DAB1: variants seen among roughly 807,000 people sequenced by gnomAD.
The protein encoded by DAB1 is DAB adaptor protein 1, also known as disabled homolog 1.
Under a neutral mutation model 64.6 loss-of-function variants are expected in DAB1, and 15 were observed. That is an observed-to-expected ratio of 0.23 (90% CI 0.16 to 0.36). The LOEUF is 0.36. DAB1 is among the 10% of genes least tolerant of loss of function. DAB1 has a pLI of 1.00. For missense variants in DAB1, 596 were observed against 706.7 expected (o/e 0.84, Z 1.78); for synonymous variants, 235 against 251.9 (o/e 0.93, Z 0.64).
intron 5 of DAB1, among the ~76,000 whole-genome samples, chr1:57,993,997 T>A (rs1436220385): frequency 6.6e-6 from 1 of 152,202 alleles, no homozygotes. Context: ...AAGAGGTCTC[T>A]CTCCTTATAA....
chr1:57,783,786 T>C (rs1452951770), intron 6 of DAB1, among the ~76,000 whole-genome samples: 1 of 152,194 alleles, frequency 6.6e-6, no homozygotes, highest in Non-Finnish European at 1.5e-5. Context: ...ATCTTTGAAG[T>C]TACTATTGTA....
At chr1:57,195,333 A>G (rs1664538661) in intron 2 of DAB1, among the ~76,000 whole-genome samples, 1 of 152,202 alleles carries the variant, frequency 6.6e-6, no homozygotes, top group Non-Finnish European at 1.5e-5. Context: ...TAAAGAGGAC[A>G]TTTTCTGCCT....
At chr1:57,767,751 T>C (rs368526536) in intron 6 of DAB1, among the ~76,000 whole-genome samples, 1 of 152,112 alleles carries the variant, frequency 6.6e-6, no homozygotes, top group Non-Finnish European at 1.5e-5. Context: ...AAATCCACCA[T>C]GGGAAGAGGA....
At chr1:58,482,326 T>C (rs1374114898) in intron 3 of DAB1, among the ~76,000 whole-genome samples, 2 of 152,086 alleles carry the variant, frequency 1.3e-5, no homozygotes, top group Non-Finnish European at 2.9e-5. Context: ...AAAAGAATCG[T>C]CCAATAGAAT....
chr1:58,056,310 G>A (rs1157912302), intron 5 of DAB1: 25 of 1,527,680 alleles, frequency 1.6e-5, no homozygotes, highest in Non-Finnish European at 2.2e-5. Context: ...CATCGAAGAC[G>A]CTCGCTTCAG....
At chr1:58,313,196 A>T (rs1245386817) in intron 4 of DAB1, among the ~76,000 whole-genome samples, 1 of 152,130 alleles carries the variant, frequency 6.6e-6, no homozygotes, top group Non-Finnish European at 1.5e-5. Flanking sequence ...TAAGCCCTGG[A>T]GCTTCTGTAT....
intron 2 of DAB1, among the ~76,000 whole-genome samples, chr1:57,218,334 T>C (rs986568552): frequency 3.9e-5 from 6 of 152,044 alleles, no homozygotes; most frequent in African/African-American, 1.4e-4. Context: ...ACATCTCTTA[T>C]AAATAATCTT....
At chr1:57,621,382 G>C (rs753100623) in intron 7 of DAB1, among the ~76,000 whole-genome samples, 4 of 151,310 alleles carry the variant, frequency 2.6e-5, no homozygotes, top group East Asian at 2.0e-4. Context: ...TAACAAGCTG[G>C]GATAGTGCGT....
At chr1:58,534,066 C>T (rs779372357) in intron 1 of DAB1, 1 of 869,360 alleles carries the variant, frequency 1.2e-6, no homozygotes, top group Non-Finnish European at 2.0e-6. Flanking sequence ...CCATTCTGCA[C>T]CACAAAGAAA....
downstream of DAB1, among the ~76,000 whole-genome samples, chr1:57,823,190 G>A (rs1419701599): frequency 6.6e-6 from 1 of 151,846 alleles, no homozygotes; most frequent in African/African-American, 2.4e-5. Context: ...TCACTATGTT[G>A]GCCAGGCTGG....
At chr1:57,735,020 T>C (rs1185086585) in intron 6 of DAB1, among the ~76,000 whole-genome samples, 2 of 152,264 alleles carry the variant, frequency 1.3e-5, no homozygotes, top group Admixed American at 1.3e-4. Flanking sequence ...TTCTACTACA[T>C]TGATATCTGT....
intron 4 of DAB1, among the ~76,000 whole-genome samples, chr1:57,109,558 A>T (rs1655471099): frequency 6.8e-6 from 1 of 146,196 alleles, no homozygotes; most frequent in Non-Finnish European, 1.5e-5. Flanking sequence ...AGTATGGTGT[A>T]GTAGCTTTGC....
intron 7 of DAB1, among the ~76,000 whole-genome samples, chr1:57,504,964 C>T (rs543292300): frequency 6.6e-6 from 1 of 152,210 alleles, no homozygotes; most frequent in East Asian, 1.9e-4. Context: ...ACCTCACAGC[C>T]AAGAGGAACT....
chr1:57,802,155 A>G (rs1227145328), intron 6 of DAB1, among the ~76,000 whole-genome samples: 1 of 152,214 alleles, frequency 6.6e-6, no homozygotes, highest in Non-Finnish European at 1.5e-5. Context: ...GGTCACACCC[A>G]TTCCTAAGAA....
At chr1:57,094,698 G>A (rs1237688479) in intron 4 of DAB1, among the ~76,000 whole-genome samples, 6 of 152,154 alleles carry the variant, frequency 3.9e-5, no homozygotes, top group Non-Finnish European at 5.9e-5. Flanking sequence ...TGATATCAGA[G>A]AGTATCTCCT....
At chr1:58,047,914 A>G in intron 5 of DAB1, 3 of 384,046 alleles carry the variant, frequency 7.8e-6, no homozygotes, top group Non-Finnish European at 1.4e-5. Flanking sequence ...GGTGCAAAAA[A>G]AAATCTACAT....
intron 3 of DAB1, among the ~76,000 whole-genome samples, chr1:58,368,581 T>C (rs1644237020): frequency 6.6e-6 from 1 of 152,342 alleles, no homozygotes; most frequent in South Asian, 2.1e-4. Context: ...CATTCATTTG[T>C]ATTTAGAATT....
chr1:58,286,055 A>G (rs1358152786), intron 4 of DAB1, among the ~76,000 whole-genome samples: 1 of 152,226 alleles, frequency 6.6e-6, no homozygotes, highest in Non-Finnish European at 1.5e-5. Context: ...GACAAAAACA[A>G]GCATTGGGGA....
intron 1 of DAB1, among the ~76,000 whole-genome samples, chr1:57,857,940 A>G (rs1272659852): frequency 6.7e-6 from 1 of 150,252 alleles, no homozygotes; most frequent in Non-Finnish European, 1.5e-5. Flanking sequence ...AAAAGAAAGA[A>G]AAAAAAAAAA....
Sources: allele counts gnomAD v4.1 joint callset (sites outside exome capture counted in the v4.1 genomes callset), GRCh38; gene constraint gnomAD v4.1.1; transcripts MANE v1.5; gene names NCBI Gene and HGNC (gene_info 2026-07-23, HGNC 2026-07-21).